The following CFAP54 variants were observed in gnomAD, a reference collection of about 807,000 sequenced individuals.
CFAP54 encodes the protein cilia- and flagella-associated protein 54.
CFAP54 carries 290 observed loss-of-function variants against 370.4 expected under a neutral mutation model. The ratio of observed to expected loss-of-function variants is 0.78; its 90% CI spans 0.71 to 0.86. CFAP54 has a LOEUF of 0.86. CFAP54 is among the 40% of genes least tolerant of loss of function. The pLI is 0.00. For missense variants in CFAP54, 3,399 were observed against 3,528.7 expected (o/e 0.96, Z 0.93); for synonymous variants, 1,206 against 1,236.5 (o/e 0.98, Z 0.52).
At chr12:96,491,920 C>T (rs556273811) in intron 1 of CFAP54, among the ~76,000 whole-genome samples, 12 of 152,146 alleles carry the variant, frequency 7.9e-5, no homozygotes, top group Admixed American at 2.6e-4. Context: ...CTACCACGCC[C>T]GGCTAATTTT....
intron 27 of CFAP54, 144 bp from the exon 28 acceptor site, chr12:96,623,623 G>A: frequency 1.7e-6 from 1 of 576,792 alleles, no homozygotes; most frequent in South Asian, 2.2e-5. Context: ...ATTATTCATT[G>A]TTGTTAATTA....
chr12:96,552,227 CAA>C (rs1955702156), intron 15 of CFAP54, among the ~76,000 whole-genome samples: 2 of 36,718 alleles, frequency 5.4e-5, no homozygotes, highest in African/African-American at 1.2e-4. Flanking sequence ...ACCTGGGCAA[CAA>C]GAGCAAAACT....
intron 15 of CFAP54, among the ~76,000 whole-genome samples, chr12:96,548,340 T>G (rs1250066411): frequency 1.3e-5 from 2 of 152,110 alleles, no homozygotes; most frequent in Non-Finnish European, 2.9e-5. Context: ...GTATAAAAGA[T>G]ATTTATATAA....
intron 25 of CFAP54, among the ~76,000 whole-genome samples, chr12:96,596,089 T>G (rs983159519): frequency 6.6e-6 from 1 of 152,182 alleles, no homozygotes; most frequent in Non-Finnish European, 1.5e-5. Context: ...GAATATTCAT[T>G]GTCTTGGGAC....
intron 22 of CFAP54, 59 bp downstream of exon 22, chr12:96,581,164 G>T (rs2136425710): frequency 1.7e-6 from 2 of 1,173,142 alleles, no homozygotes; most frequent in East Asian, 5.8e-5. Flanking sequence ...AAGCAGTTAT[G>T]AAGTAATTTC....
intron 55 of CFAP54, among the ~76,000 whole-genome samples, chr12:96,746,891 ACTCTG>A (rs1476652794): frequency 6.6e-6 from 1 of 151,842 alleles, no homozygotes; most frequent in Non-Finnish European, 1.5e-5. Context: ...ATTTCCTTAA[ACTCTG>A]TCCATTCTTC....
At chr12:96,699,213 G>A (rs897765701) in intron 45 of CFAP54, among the ~76,000 whole-genome samples, 6 of 152,154 alleles carry the variant, frequency 3.9e-5, no homozygotes, top group Middle Eastern at 3.2e-3. Context: ...GATTGGTTGC[G>A]GACAGCCAAT....
chr12:96,599,258 G>C (rs1286987363), intron 26 of CFAP54, among the ~76,000 whole-genome samples: 1 of 150,598 alleles, frequency 6.6e-6, no homozygotes, highest in African/African-American at 2.4e-5. Flanking sequence ...ACCATATGGT[G>C]TTTGGTTTTC....
intron 62 of CFAP54, among the ~76,000 whole-genome samples, chr12:96,787,842 A>G (rs968900558): frequency 6.6e-6 from 1 of 152,114 alleles, no homozygotes; most frequent in Admixed American, 6.5e-5. Flanking sequence ...AAATTAGTAT[A>G]TCTTAGTTTT....
At chr12:96,699,845 T>A in intron 45 of CFAP54, 126 bp from the exon 46 acceptor site, 1 of 717,766 alleles carries the variant, frequency 1.4e-6, no homozygotes, top group Non-Finnish European at 2.3e-6. Context: ...CATTAATTCA[T>A]AATGCATTAC....
intron 4 of CFAP54, among the ~76,000 whole-genome samples, chr12:96,508,126 C>CTTTT (rs398020728): frequency 2.6e-4 from 29 of 112,226 alleles, no homozygotes; most frequent in Non-Finnish European, 3.9e-4. Flanking sequence ...CAAACATAGT[C>CTTTT]TTTTTTTTTT....
chr12:96,813,025 C>T (rs1433492623), intron 64 of CFAP54, among the ~76,000 whole-genome samples: 1 of 152,138 alleles, frequency 6.6e-6, no homozygotes, highest in East Asian at 1.9e-4. Flanking sequence ...GTACAGGCTA[C>T]AGACCAGCAT....
intron 65 of CFAP54, among the ~76,000 whole-genome samples, chr12:96,819,545 T>C (rs773077766): frequency 5.9e-5 from 9 of 152,208 alleles, no homozygotes; most frequent in Non-Finnish European, 8.8e-5. Flanking sequence ...AGCTCACTTA[T>C]ACTTCTCCCC....
chr12:96,764,849 A>G (rs903765329), intron 59 of CFAP54, among the ~76,000 whole-genome samples: 2 of 152,194 alleles, frequency 1.3e-5, no homozygotes, highest in African/African-American at 4.8e-5. Flanking sequence ...GCTTATTTAA[A>G]GTGATTTATG....
At chr12:96,763,743 C>T (rs1958364272) in intron 58 of CFAP54, among the ~76,000 whole-genome samples, 1 of 152,142 alleles carries the variant, frequency 6.6e-6, no homozygotes. Context: ...TGTGTCATTG[C>T]ACTCCAGCCT....
chr12:96,849,157 G>A (rs974064108), intron 66 of CFAP54, among the ~76,000 whole-genome samples: 3 of 152,176 alleles, frequency 2.0e-5, no homozygotes, highest in Non-Finnish European at 4.4e-5. Flanking sequence ...TCAGAGAAAA[G>A]TGATGTATTA....
chr12:96,844,357 T>G (rs1959276043), intron 66 of CFAP54, among the ~76,000 whole-genome samples: 2 of 151,970 alleles, frequency 1.3e-5, no homozygotes, highest in South Asian at 4.1e-4. Flanking sequence ...TGATGAGCCA[T>G]GAAGGTGAAG....
chr12:96,651,740 T>C lies in CFAP54; in HGVS notation c.5025T>C (p.Ser1675=). ...PISQDGFLCT[S]VLPFYLGAEL... is the part of the protein sequence containing the mutation. ...GCCAAGATGGTTTCCTCTGCACCTC[T>C]GTTTTACCATTCTATTTGGGAGCAG... Residue 1675 remains serine (S), a synonymous_variant, in exon 36 of 68, where the codon TCT becomes TCC. Coordinates refer to ENST00000524981, the MANE Select transcript of CFAP54 (RefSeq NM_001306084.2). 1.2e-6 allele frequency: 2 copies of C among 1,613,812 alleles called. No homozygotes were observed. Among genetic ancestry groups the C allele is most frequent in the Non-Finnish European group, 8.5e-7 (1 of 1,179,684 alleles).
chr12:96,527,633 C>A (rs1477470705), intron 9 of CFAP54, among the ~76,000 whole-genome samples, 189 bp downstream of exon 9: 1 of 151,368 alleles, frequency 6.6e-6, no homozygotes, highest in Non-Finnish European at 1.5e-5. Context: ...GTGGCGTGAT[C>A]ATGGCTCACA....
Sources: allele counts gnomAD v4.1 joint callset (sites outside exome capture counted in the v4.1 genomes callset), GRCh38; gene constraint gnomAD v4.1.1; transcripts MANE v1.5; gene names NCBI Gene and HGNC (gene_info 2026-07-23, HGNC 2026-07-21).